Variants in LUZP2 observed in about 807,000 individuals in gnomAD.
LUZP2 encodes leucine zipper protein 2.
A neutral mutation model predicts 51.6 loss-of-function variants in LUZP2; 52 were observed. That is an observed-to-expected ratio of 1.01 (90% CI 0.81 to 1.27). The LOEUF is 1.27. Ranked by LOEUF, LUZP2 falls within the 50% of genes most tolerant of loss-of-function variation. The pLI, the probability that LUZP2 is intolerant of heterozygous loss-of-function variation, is 0.00. For missense variants in LUZP2, 436 were observed against 395.4 expected (o/e 1.10, Z -0.87); for synonymous variants, 154 against 137.3 (o/e 1.12, Z -0.85).
chr11:24,906,735 T>C, intron 6 of LUZP2, among the ~76,000 whole-genome samples: 1 of 152,156 alleles, frequency 6.6e-6, no homozygotes, highest in East Asian at 1.9e-4. Flanking sequence ...GTCACTGTTT[T>C]AGCTGCATCC....
intron 1 of LUZP2, among the ~76,000 whole-genome samples, chr11:24,572,857 T>C (rs1013079879): frequency 2.0e-5 from 3 of 151,946 alleles, no homozygotes; most frequent in African/African-American, 7.3e-5. Flanking sequence ...TTATTTTATT[T>C]TTCTGAGTAA....
intron 7 of LUZP2, among the ~76,000 whole-genome samples, chr11:24,954,577 G>T (rs1028513813): frequency 4.6e-5 from 7 of 151,920 alleles, no homozygotes; most frequent in African/African-American, 1.7e-4. Context: ...TGGACTCATT[G>T]CCTCCTTTCT....
At chr11:24,804,168 T>C (rs1849783227) in intron 5 of LUZP2, among the ~76,000 whole-genome samples, 1 of 152,118 alleles carries the variant, frequency 6.6e-6, no homozygotes, top group Non-Finnish European at 1.5e-5. Context: ...GTGCCAGGAA[T>C]GAGGCACAAA....
chr11:24,710,217 T>C (rs1413157832), intron 1 of LUZP2, among the ~76,000 whole-genome samples: 1 of 152,170 alleles, frequency 6.6e-6, no homozygotes, highest in Non-Finnish European at 1.5e-5. Context: ...GGTGATTTTA[T>C]TATTCTAAAG....
chr11:24,797,860 A>G (rs1237100606), intron 5 of LUZP2, among the ~76,000 whole-genome samples: 1 of 152,182 alleles, frequency 6.6e-6, no homozygotes, highest in Non-Finnish European at 1.5e-5. Flanking sequence ...AGTTGAGTAC[A>G]CTTTACCAAG....
chr11:24,598,837 A>G (rs1450225347), intron 1 of LUZP2, among the ~76,000 whole-genome samples: 1 of 152,176 alleles, frequency 6.6e-6, no homozygotes, highest in Non-Finnish European at 1.5e-5. Context: ...AACAATTCCA[A>G]AGATAGGCTT....
chr11:24,502,127 C>T lies in LUZP2; in HGVS notation c.62+4822C>T, dbSNP rs536012330. On this transcript the variant is annotated intron_variant, in intron 1 of 11. Coordinates refer to ENST00000336930, the MANE Select transcript of LUZP2 (RefSeq NM_001009909.4). ...ATCCGTGGAAACAGTTTAGCATATT[C>T]CCTAAGTACTCAACAAAGGTTAGCC... Among the ~76,000 whole-genome samples, 4 of 139,992 alleles carry T rather than the reference C, an allele frequency of 2.9e-5. No homozygotes were observed. In the South Asian group the frequency reaches 8.4e-4, roughly 30 times the overall value. 91.8% of individuals were successfully genotyped at this position (139,992 alleles called of 152,430 possible).
chr11:24,994,724 C>T (rs1485068168), intron 9 of LUZP2, among the ~76,000 whole-genome samples: 2 of 152,168 alleles, frequency 1.3e-5, no homozygotes, highest in African/African-American at 4.8e-5. Flanking sequence ...GGACTATTAT[C>T]GTCTTAACAA....
intron 5 of LUZP2, among the ~76,000 whole-genome samples, chr11:24,854,184 G>C (rs973262746): frequency 1.1e-4 from 16 of 152,216 alleles, no homozygotes; most frequent in Admixed American, 1.0e-3. Flanking sequence ...AGAGCCAACA[G>C]GCAGGAATAT....
intron 1 of LUZP2, among the ~76,000 whole-genome samples, chr11:24,498,093 G>T (rs1849884470): frequency 6.6e-6 from 1 of 152,182 alleles, no homozygotes; most frequent in Non-Finnish European, 1.5e-5. Flanking sequence ...AAGTCCCAAA[G>T]TTGTGATGGG....
intron 5 of LUZP2, among the ~76,000 whole-genome samples, chr11:24,854,726 C>A (rs1196516323): frequency 1.3e-5 from 2 of 151,764 alleles, no homozygotes; most frequent in Non-Finnish European, 2.9e-5. Context: ...ACAACTGCCC[C>A]ATTTTGTGCT....
intron 4 of LUZP2, among the ~76,000 whole-genome samples, chr11:24,743,871 G>T (rs984370874): frequency 2.6e-5 from 4 of 151,982 alleles, no homozygotes; most frequent in African/African-American, 9.7e-5. Context: ...TCCCTTGTAT[G>T]CTGATTTTGC....
At chr11:24,657,592 G>C (rs1855851788) in intron 1 of LUZP2, among the ~76,000 whole-genome samples, 1 of 152,120 alleles carries the variant, frequency 6.6e-6, no homozygotes, top group South Asian at 2.1e-4. Flanking sequence ...TCATGCAGGA[G>C]AAGGAAATAA....
intron 7 of LUZP2, among the ~76,000 whole-genome samples, chr11:24,918,910 T>A (rs954800912): frequency 3.3e-5 from 2 of 60,880 alleles, no homozygotes; most frequent in African/African-American, 5.6e-5. Context: ...ATAATATATA[T>A]CCATAATATG....
intron 1 of LUZP2, among the ~76,000 whole-genome samples, chr11:24,663,546 AT>A (rs376482256): frequency 2.0e-5 from 3 of 152,208 alleles, no homozygotes; most frequent in Admixed American, 6.5e-5. Context: ...TCAAGATTAT[AT>A]TTTTTCCCAT....
chr11:24,567,477 C>T (rs1564995959), intron 1 of LUZP2, among the ~76,000 whole-genome samples: 1 of 151,948 alleles, frequency 6.6e-6, no homozygotes, highest in Non-Finnish European at 1.5e-5. Flanking sequence ...ATTCACTAAG[C>T]TCAGTGAATT....
chr11:24,638,613 A>T (rs1021857075), intron 1 of LUZP2, among the ~76,000 whole-genome samples: 1 of 151,652 alleles, frequency 6.6e-6, no homozygotes, highest in Non-Finnish European at 1.5e-5. Flanking sequence ...TTAACTTGGA[A>T]TTTTTTCTAA....
At chr11:24,637,023 T>C (rs560665819) in intron 1 of LUZP2, among the ~76,000 whole-genome samples, 12 of 151,762 alleles carry the variant, frequency 7.9e-5, no homozygotes, top group African/African-American at 2.7e-4. Flanking sequence ...AAAATGTTGA[T>C]TAACAGTTTA....
At chr11:24,622,252 A>G (rs771510046) in intron 1 of LUZP2, among the ~76,000 whole-genome samples, 17 of 151,398 alleles carry the variant, frequency 1.1e-4, no homozygotes, top group Non-Finnish European at 1.9e-4. Context: ...TACATTAGGT[A>G]TATCTCCTAA....
Sources: allele counts gnomAD v4.1 joint callset (sites outside exome capture counted in the v4.1 genomes callset), GRCh38; gene constraint gnomAD v4.1.1; transcripts MANE v1.5; gene names NCBI Gene and HGNC (gene_info 2026-07-23, HGNC 2026-07-21).